SPTBN4: variants seen among roughly 807,000 people sequenced by gnomAD.
The protein encoded by SPTBN4 is spectrin beta chain, non-erythrocytic 4.
SPTBN4 carries 96 observed loss-of-function variants against 277.8 expected under a neutral mutation model. That is an observed-to-expected ratio of 0.35 (90% confidence interval 0.29 to 0.41). SPTBN4 has a LOEUF of 0.41. SPTBN4 is among the 10% of genes least tolerant of loss of function. SPTBN4 has a pLI of 1.00. For missense variants in SPTBN4, 3,006 were observed against 3,595.7 expected (o/e 0.84, Z 4.19); for synonymous variants, 1,481 against 1,580.3 (o/e 0.94, Z 1.49).
At position 40,519,486 on chromosome 19, in the gene SPTBN4, G is replaced by A; in HGVS notation, c.2989G>A (p.Ala997Thr). Residue 997 changes from alanine (A) to threonine (T), a missense_variant, in exon 16 of 36, where the codon GCC becomes ACC. This residue lies in a region of SPTBN4 where 1,759 missense variants were observed against 2,061.5 expected (regional missense o/e 0.85). Coordinates refer to ENST00000598249, the MANE Select transcript of SPTBN4 (RefSeq NM_020971.3). The surrounding 1 kb of genome is among the most constrained non-coding windows in gnomAD (Gnocchi z 5.7). ...GGTGGAGAACCACGTGCTGGAGGTG[G>A]CCGAGGTGCGCGCCCAGGTGCGTGA... ...LLVENHVLEVAEVRAQVREKR... is the reference protein window; with the variant it reads ...LLVENHVLEVTEVRAQVREKR... 6.2e-7 allele frequency: 1 copy of A among 1,609,062 alleles called. No individual in the cohort carries two copies. Among genetic ancestry groups the A allele is most frequent in the Middle Eastern group, 1.7e-4 (1 of 6,022 alleles).
chr19:40,570,882 T>C (rs2081150079), intron 33 of SPTBN4, among the ~76,000 whole-genome samples, 154 bp downstream of exon 33: 2 of 150,374 alleles, frequency 1.3e-5, no homozygotes, highest in Non-Finnish European at 3.0e-5. Context: ...TGGTGGTGGC[T>C]TAAATCAAGA....
chr19:40,538,406 G>A (rs1463903147), intron 20 of SPTBN4, among the ~76,000 whole-genome samples: 4 of 149,740 alleles, frequency 2.7e-5, no homozygotes, highest in African/African-American at 9.9e-5. Flanking sequence ...AAAAAAAAAA[G>A]AGAAAGAAAG....
rs915553837 is a variant in SPTBN4, at chr19:40,490,809, G to C, written c.495+561G>C. On this transcript the variant is annotated intron_variant, in intron 4 of 35. Coordinates refer to ENST00000598249, the MANE Select transcript of SPTBN4 (RefSeq NM_020971.3). The surrounding 1 kb of genome is among the most constrained non-coding windows in gnomAD (Gnocchi z 4.3). ...GTGGCCTGTAAACCCAGCACTTTGC[G>C]AGGCTGAGATGGGAGGAACACTAAG... 6.6e-6 allele frequency among the ~76,000 whole-genome samples: 1 copy of C among 152,200 alleles called. No homozygotes were observed. Among genetic ancestry groups the C allele is most frequent in the African/African-American group, 2.4e-5 (1 of 41,456 alleles).
chr19:40,548,112 T>A (rs2080877975), intron 20 of SPTBN4, among the ~76,000 whole-genome samples: 1 of 152,248 alleles, frequency 6.6e-6, no homozygotes, highest in South Asian at 2.1e-4. Context: ...TGAATTTTCC[T>A]GTGTATTTGG....
chr19:40,505,828 TAGAA>T (rs1369566825), intron 12 of SPTBN4, among the ~76,000 whole-genome samples: 1 of 151,396 alleles, frequency 6.6e-6, no homozygotes, highest in Admixed American at 6.6e-5. Context: ...GGTAGAAATG[TAGAA>T]AGAGAGGCAG....
At chr19:40,566,406 C>T in intron 30 of SPTBN4, 47 bp downstream of exon 30, 1 of 1,447,428 alleles carries the variant, frequency 6.9e-7, no homozygotes, top group South Asian at 1.4e-5. Context: ...CCACCAAGAC[C>T]CCCACACCCA....
chr19:40,534,689 C>T, intron 20 of SPTBN4: 1 of 273,196 alleles, frequency 3.7e-6, no homozygotes, highest in Non-Finnish European at 7.2e-6. Context: ...CATGGAATAA[C>T]AATGACATTC....
At chr19:40,499,030 A>C (rs1398729746) in intron 7 of SPTBN4, among the ~76,000 whole-genome samples, 1 of 150,724 alleles carries the variant, frequency 6.6e-6, no homozygotes, top group Non-Finnish European at 1.5e-5. Flanking sequence ...TCTTATGTTC[A>C]TTTATTTATT....
intron 19 of SPTBN4, 115 bp from the exon 20 acceptor site, chr19:40,533,965 C>T: frequency 3.0e-6 from 4 of 1,334,774 alleles, no homozygotes; most frequent in Non-Finnish European, 4.0e-6. Context: ...CACTCCCTGC[C>T]TCTGATTCTC....
At chr19:40,482,300 G>A (rs906922883) in intron 2 of SPTBN4, among the ~76,000 whole-genome samples, 7 of 151,190 alleles carry the variant, frequency 4.6e-5, no homozygotes, top group Admixed American at 1.3e-4. Context: ...GGAACTCCTG[G>A]CCTCAAGCAA....
At position 40,497,489 on chromosome 19, in the gene SPTBN4, G is replaced by A. The variant is rs1444098366; in HGVS notation, c.669G>A (p.Arg223=). 8.1e-6 allele frequency: 13 copies of A among 1,613,176 alleles called. No individual in the cohort carries two copies. Among genetic ancestry groups the A allele is most frequent in the Non-Finnish European group, 1.1e-5 (13 of 1,179,214 alleles). ...LAFNALIHRH[R]PDLVDFSKLT... is the part of the protein sequence containing the mutation. ...CTGCCTGCTCTGTGCCCCTGCCCAGGCCTGATCTCGTGGACTTCAGCAAAC... is the reference window on the plus strand; with the variant it reads ...CTGCCTGCTCTGTGCCCCTGCCCAGACCTGATCTCGTGGACTTCAGCAAAC... The change falls in exon 7 of 36, where the codon AGG becomes AGA. Residue 223 remains arginine (R), a splice_region_variant and synonymous_variant. Transcript: ENST00000598249.
chr19:40,522,368 T>TTTTA (rs2080537686), intron 16 of SPTBN4, among the ~76,000 whole-genome samples: 1 of 116,570 alleles, frequency 8.6e-6, no homozygotes, highest in African/African-American at 3.7e-5. Flanking sequence ...TTTTTTTTTT[T>TTTTA]GAGATGGGGT....
chr19:40,557,672 C>CT, intron 26 of SPTBN4, among the ~76,000 whole-genome samples: 1 of 152,154 alleles, frequency 6.6e-6, no homozygotes, highest in Non-Finnish European at 1.5e-5. Flanking sequence ...TGGTGGCTCC[C>CT]TTTGGGAGGC....
At chr19:40,524,157 A>G (rs1463956556) in intron 17 of SPTBN4, among the ~76,000 whole-genome samples, 1 of 152,110 alleles carries the variant, frequency 6.6e-6, no homozygotes, top group Non-Finnish European at 1.5e-5. Context: ...AAGGATATAC[A>G]ATGAAAGGTT....
intron 1 of SPTBN4, among the ~76,000 whole-genome samples, chr19:40,470,248 C>T (rs2079869707): frequency 1.3e-5 from 2 of 152,150 alleles, no homozygotes; most frequent in African/African-American, 4.8e-5. Flanking sequence ...ATCCACCCGC[C>T]TTGGCCTCCC....
At chr19:40,531,464 GTTTTTTTTT>G (rs71173645) in intron 18 of SPTBN4, among the ~76,000 whole-genome samples, 4 of 40,926 alleles carry the variant, frequency 9.8e-5, no homozygotes, top group African/African-American at 1.6e-4. Context: ...TCCAGTGTTT[GTTTTTTTTT>G]TTTTTTTTTT....
intron 20 of SPTBN4, among the ~76,000 whole-genome samples, chr19:40,542,381 C>T (rs563357182): frequency 1.3e-5 from 2 of 152,190 alleles, no homozygotes; most frequent in Admixed American, 6.5e-5. Context: ...AGAATCCTCT[C>T]TCGGGGCCTG....
At chr19:40,474,376 C>A (rs2079923176) in intron 2 of SPTBN4, among the ~76,000 whole-genome samples, 1 of 151,352 alleles carries the variant, frequency 6.6e-6, no homozygotes, top group Non-Finnish European at 1.5e-5. Flanking sequence ...AACCTTCCTG[C>A]TTTTACCACC....
intron 20 of SPTBN4, 62 bp from the exon 21 acceptor site, chr19:40,549,127 G>A: frequency 1.4e-6 from 2 of 1,394,826 alleles, no homozygotes; most frequent in Middle Eastern, 2.3e-4. Context: ...AAGGGTACTG[G>A]AGAGCCACAG....
Sources: gnomAD v4.1 joint callset for allele counts (sites outside exome capture counted in the v4.1 genomes callset) on GRCh38, gnomAD v4.1.1 for gene constraint, gnomAD v4.1.1 regional missense constraint, Gnocchi (gnomAD v3.1) non-coding constraint, MANE v1.5 for transcripts, NCBI Gene and HGNC (gene_info 2026-07-23, HGNC 2026-07-21) for gene names.